Variants in C3orf22 observed in about 807,000 individuals in gnomAD.
C3orf22 encodes the protein chromosome 3 open reading frame 22.
In C3orf22, 7 loss-of-function variants were observed where a neutral mutation model predicts 10.8. That is an observed-to-expected ratio of 0.65 (90% confidence interval 0.37 to 1.22). C3orf22 has a LOEUF of 1.22. C3orf22 is among the 50% of genes most tolerant of loss of function. The pLI is 0.02. For missense variants in C3orf22, 173 were observed against 177.0 expected (o/e 0.98, Z 0.13); for synonymous variants, 79 against 78.9 (o/e 1.00, Z 0.00).
Position 126,550,029 on chromosome 3 carries a change from G to C in C3orf22, c.265C>G (p.Leu89Val). The change falls in exon 4 of 4, where the codon CTA becomes GTA. Residue 89 changes from leucine (L) to valine (V), a missense_variant. Physicochemically the swap from Leu to Val is conservative, Grantham distance 32. Coordinates refer to ENST00000318225, the MANE Select transcript of C3orf22 (RefSeq NM_152533.3). ...TSPSGSCPAPLPAPSPPPLCN... is the reference protein window; with the variant it reads ...TSPSGSCPAPVPAPSPPPLCN... ...AGTGGAGGTGGTGATGGTGCTGGTAGTGGTGCCGGGCAGGAGCCAGACGGT... is the reference window on the plus strand; with the variant it reads ...AGTGGAGGTGGTGATGGTGCTGGTACTGGTGCCGGGCAGGAGCCAGACGGT... The C allele has an allele frequency of 6.2e-7, 1 of 1,614,064 alleles. No individual in the cohort carries two copies. Among genetic ancestry groups the C allele is most frequent in the South Asian group, 1.1e-5 (1 of 91,082 alleles).
chr3:126,539,743 CCACACCA>C (rs1372402780), intron 4 of C3orf22, among the ~76,000 whole-genome samples: 1 of 88,092 alleles, frequency 1.1e-5, no homozygotes, highest in Non-Finnish European at 2.2e-5. Context: ...CACACACACC[CCACACCA>C]CACACTCCAC....
At chr3:126,552,189 T>C in intron 2 of C3orf22, 67 bp from the exon 3 acceptor site, 1 of 1,605,240 alleles carries the variant, frequency 6.2e-7, no homozygotes, top group Non-Finnish European at 8.5e-7. Flanking sequence ...CTCTCACTCA[T>C]CTGGAACTTT....
chr3:126,552,602 G>A (rs893091113), intron 2 of C3orf22, among the ~76,000 whole-genome samples: 2 of 152,188 alleles, frequency 1.3e-5, no homozygotes, highest in East Asian at 3.9e-4. Flanking sequence ...GGAGCTCATC[G>A]TCCCCACCTC....
chr3:126,550,205 C>T, intron 3 of C3orf22, 127 bp from the exon 4 acceptor site: 1 of 1,054,820 alleles, frequency 9.5e-7, no homozygotes, highest in Non-Finnish European at 1.4e-6. Flanking sequence ...CCCAACCAGG[C>T]TTGACCTGGC....
intron 5 of C3orf22, among the ~76,000 whole-genome samples, chr3:126,528,644 G>C (rs191514599): frequency 4.3e-4 from 66 of 152,254 alleles, no homozygotes; most frequent in Non-Finnish European, 8.1e-4. Flanking sequence ...GAAGGTGGAA[G>C]TGGGGTCCGG....
intron 1 of C3orf22, among the ~76,000 whole-genome samples, chr3:126,557,030 ACACATACACAGATT>A (rs1937362652): frequency 6.6e-6 from 1 of 151,876 alleles, no homozygotes; most frequent in Non-Finnish European, 1.5e-5. Context: ...AAACTCACAT[ACACATACACAGATT>A]CACATACACA....
At chr3:126,552,276 G>T in intron 2 of C3orf22, 154 bp from the exon 3 acceptor site, 1 of 727,394 alleles carries the variant, frequency 1.4e-6, no homozygotes, top group Non-Finnish European at 1.7e-6. Context: ...TGTGAGGCAG[G>T]TGTTACCCAC....
intron 4 of C3orf22, chr3:126,541,964 A>G (rs1186275136): frequency 3.2e-6 from 5 of 1,584,274 alleles, no homozygotes; most frequent in Non-Finnish European, 4.3e-6. Context: ...CCCGCGCGCC[A>G]TCTCCGCGCA....
chr3:126,537,740 C>T (rs567684726), intron 4 of C3orf22, among the ~76,000 whole-genome samples: 5 of 149,648 alleles, frequency 3.3e-5, no homozygotes, highest in East Asian at 1.9e-4. Context: ...TAGCACCTTG[C>T]GGCTGGAGAA....
intron 1 of C3orf22, among the ~76,000 whole-genome samples, chr3:126,556,624 C>T (rs1937336504): frequency 6.6e-6 from 1 of 151,168 alleles, no homozygotes; most frequent in Admixed American, 6.6e-5. Context: ...TTTCCCACCT[C>T]GCCTCACTGA....
intron 1 of C3orf22, among the ~76,000 whole-genome samples, chr3:126,556,416 G>T (rs1937330553): frequency 6.6e-6 from 1 of 152,016 alleles, no homozygotes; most frequent in African/African-American, 2.4e-5. Flanking sequence ...ACCCCAGAGT[G>T]CATCCTCCCT....
At chr3:126,550,583 C>T (rs936795202) in intron 3 of C3orf22, among the ~76,000 whole-genome samples, 12 of 152,174 alleles carry the variant, frequency 7.9e-5, no homozygotes, top group Non-Finnish European at 1.3e-4. Flanking sequence ...GACAGGATGG[C>T]GTGGGAAAGC....
exon 6 of C3orf22, chr3:126,527,249 A>G (rs971231792): frequency 6.6e-6 from 1 of 152,224 alleles, no homozygotes; most frequent in African/African-American, 2.4e-5. Flanking sequence ...GGGCCACCCA[A>G]TGGCACACAG....
At chr3:126,527,410 A>G (rs1936557670) in exon 6 of C3orf22, 1 of 152,286 alleles carries the variant, frequency 6.6e-6, no homozygotes, top group South Asian at 2.1e-4. Flanking sequence ...GCTGTGGTTT[A>G]GCTTTTCTCT....
At chr3:126,541,660 C>CG in intron 4 of C3orf22, 1 of 1,323,624 alleles carries the variant, frequency 7.6e-7, no homozygotes, top group Non-Finnish European at 9.8e-7. Context: ...CGCATCCCGC[C>CG]GGGGCAGCGC....
intron 1 of C3orf22, among the ~76,000 whole-genome samples, chr3:126,557,694 T>C (rs894494237): frequency 6.6e-6 from 1 of 152,222 alleles, no homozygotes; most frequent in Non-Finnish European, 1.5e-5. Context: ...GCCCCATCTC[T>C]GACTCTGGAA....
intron 4 of C3orf22, among the ~76,000 whole-genome samples, chr3:126,530,082 A>T (rs1221613168): frequency 1.3e-5 from 2 of 152,194 alleles, no homozygotes; most frequent in Non-Finnish European, 1.5e-5. Context: ...CCAAGTCAGG[A>T]TTGGACCCAA....
At chr3:126,556,151 C>T (rs1937323547) in intron 1 of C3orf22, among the ~76,000 whole-genome samples, 2 of 152,180 alleles carry the variant, frequency 1.3e-5, no homozygotes, top group South Asian at 4.1e-4. Context: ...GCAGCAGATG[C>T]TGTCAGGGGC....
At chr3:126,540,277 AT>A (rs1321480795) in intron 4 of C3orf22, among the ~76,000 whole-genome samples, 3 of 152,144 alleles carry the variant, frequency 2.0e-5, no homozygotes, top group Non-Finnish European at 2.9e-5. Context: ...GGTTTGCAGC[AT>A]TTTTATAAGG....
Sources: allele counts gnomAD v4.1 joint callset (sites outside exome capture counted in the v4.1 genomes callset), GRCh38; gene constraint gnomAD v4.1.1; transcripts MANE v1.5; gene names NCBI Gene and HGNC (gene_info 2026-07-23, HGNC 2026-07-21).